Variants in TMCC3 observed in about 807,000 individuals in gnomAD.
TMCC3 encodes the protein transmembrane and coiled-coil domain protein 3.
In TMCC3, 28 loss-of-function variants were observed where a neutral mutation model predicts 40.2. The ratio of observed to expected loss-of-function variants is 0.70; its 90% CI spans 0.52 to 0.95. The LOEUF (loss-of-function observed/expected upper bound fraction) is 0.95. Ranked by LOEUF, TMCC3 falls within the 40% of genes least tolerant of loss-of-function variation. TMCC3 has a pLI of 0.00. For missense variants in TMCC3, 554 were observed against 615.2 expected, an observed-to-expected ratio of 0.90 and a Z score of 1.05; for synonymous variants, 255 against 248.5, an observed-to-expected ratio of 1.03 and a Z score of -0.25.
At position 94,650,297 on chromosome 12, in the gene TMCC3, C is replaced by T. The variant is rs927817576; in HGVS notation, c.78+56G>A. On this transcript the variant is annotated intron_variant, in intron 1 of 3. Transcript: ENST00000261226. ...GGTTAGCACTGAGCCGCCGCCCCAG[C>T]CCGCCTCGCCCCCGGGCCCGCGCGC... The T allele has an allele frequency of 5.3e-6, 6 of 1,130,024 alleles. No individual in the cohort carries two copies. The African/African-American group carries it at 8.2e-5, about 15-fold the overall frequency. 70.0% of individuals were successfully genotyped at this position (1,130,024 alleles called of 1,614,324 possible).
intron 1 of TMCC3, among the ~76,000 whole-genome samples, chr12:94,591,688 A>G (rs957039002): frequency 6.6e-6 from 1 of 152,168 alleles, no homozygotes; most frequent in African/African-American, 2.4e-5. Context: ...TGGGAGGTGG[A>G]GGTTGCAGTG....
chr12:94,620,523 G>A (rs61936686), intron 1 of TMCC3, among the ~76,000 whole-genome samples: 30,967 of 151,628 alleles, frequency 0.2, 3,571 homozygotes, highest in Non-Finnish European at 0.25. Flanking sequence ...CCTGACCTCA[G>A]GTGATCCATC....
intron 1 of TMCC3, among the ~76,000 whole-genome samples, chr12:94,599,892 G>C (rs1399422535): frequency 6.6e-6 from 1 of 152,074 alleles, no homozygotes; most frequent in Non-Finnish European, 1.5e-5. Context: ...CCTACTTTTT[G>C]AGAGTATTAT....
chr12:94,646,737 CT>C (rs56738383), intron 1 of TMCC3, among the ~76,000 whole-genome samples: 1 of 131,788 alleles, frequency 7.6e-6, no homozygotes. Context: ...CCGTGCCTGG[CT>C]TTTTTTTTTT....
rs770550543 is a variant in TMCC3, at chr12:94,571,412, C to G, written c.*23G>C. The G allele has an allele frequency of 6.2e-7, 1 of 1,600,774 alleles. No homozygotes were observed. The highest frequency in any genetic ancestry group is 1.1e-5 in the South Asian group (1 of 89,928). Reference sequence around the variant, plus strand: ...TCTTTAAAATAAAAACTTGAAAGAACTTGAAGGCAGGAACCAGTGGCTTCA... The same window carrying G: ...TCTTTAAAATAAAAACTTGAAAGAAGTTGAAGGCAGGAACCAGTGGCTTCA... On this transcript the variant is annotated 3_prime_UTR_variant, in exon 4 of 4. Coordinates refer to ENST00000261226, the MANE Select transcript of TMCC3 (RefSeq NM_020698.4).
rs929489119 is a variant in TMCC3, at chr12:94,578,611, G to A, written c.996-82C>T. The A allele has an allele frequency of 2.7e-5, 39 of 1,469,742 alleles. No homozygotes were observed. In the Admixed American group the frequency reaches 6.1e-4, roughly 23 times the overall value. The allele number at this position is 1,469,742 out of a possible 1,614,324, so 91.0% of individuals were successfully genotyped here. On this transcript the variant is annotated intron_variant, in intron 2 of 3. Coordinates refer to ENST00000261226, the MANE Select transcript of TMCC3 (RefSeq NM_020698.4). Reference sequence around the variant, plus strand: ...ATGTCCTTTTTATCTTCCTGCGCCAGTACCTTTTGGCTTGCTCTCATTCCC... The same window carrying A: ...ATGTCCTTTTTATCTTCCTGCGCCAATACCTTTTGGCTTGCTCTCATTCCC...
rs1477418335 is a variant in TMCC3 at position 94,640,650 on chromosome 12, T to C, written c.78+9703A>G. Among the ~76,000 whole-genome samples, 6 of 152,224 alleles carry C rather than the reference T, an allele frequency of 3.9e-5. No homozygotes were observed. In the South Asian group the frequency reaches 1.0e-3, roughly 26 times the overall value. ...GTGGTATGAGGCTGTGTGTCGTAGA[T>C]GTGGGAATGACTGAACTTTGGGAAA... is the stretch of plus-strand genomic sequence containing the variant. On this transcript the variant is annotated intron_variant, in intron 1 of 3. Transcript: ENST00000261226.
intron 1 of TMCC3, among the ~76,000 whole-genome samples, chr12:94,601,059 T>C (rs2068749407): frequency 6.6e-6 from 1 of 152,190 alleles, no homozygotes. Context: ...ACACACCTAA[T>C]TAAAACAAAA....
At chr12:94,601,476 C>A (rs2068751792) in intron 1 of TMCC3, among the ~76,000 whole-genome samples, 1 of 152,040 alleles carries the variant, frequency 6.6e-6, no homozygotes, top group African/African-American at 2.4e-5. Context: ...CGAGATCATG[C>A]CATTACACTC....
intron 1 of TMCC3, among the ~76,000 whole-genome samples, chr12:94,611,199 C>A (rs181524347): frequency 6.6e-6 from 1 of 152,094 alleles, no homozygotes; most frequent in Non-Finnish European, 1.5e-5. Context: ...TAACTCCCTA[C>A]TGAAAAGAGA....
At position 94,615,943 on chromosome 12, in the gene TMCC3, C is replaced by T. The variant is rs1447725998; in HGVS notation, c.79-33405G>A. On this transcript the variant is annotated intron_variant, in intron 1 of 3. Coordinates refer to ENST00000261226, the MANE Select transcript of TMCC3 (RefSeq NM_020698.4). Reference sequence around the variant, plus strand: ...CTTACCAAGGGCCACACAGCAAACCCAGGAGCAGAGCAGGATCGGCAGCTA... The same window carrying T: ...CTTACCAAGGGCCACACAGCAAACCTAGGAGCAGAGCAGGATCGGCAGCTA... 8.1e-6 allele frequency: 8 copies of T among 985,484 alleles called. No individual in the cohort carries two copies. In the Admixed American group the frequency reaches 4.3e-4, roughly 53 times the overall value. 61.0% of individuals were successfully genotyped at this position (985,484 alleles called of 1,614,324 possible).
intron 1 of TMCC3, among the ~76,000 whole-genome samples, chr12:94,593,423 G>A (rs1460527303): frequency 0.031 from 702 of 22,578 alleles, 148 homozygotes; most frequent in East Asian, 0.16. Flanking sequence ...AGAAGAAGAA[G>A]GAAGAAGAAG....
chr12:94,593,426 A>AGAG, intron 1 of TMCC3, among the ~76,000 whole-genome samples: 1 of 113,086 alleles, frequency 8.8e-6, no homozygotes, highest in Non-Finnish European at 1.9e-5. Flanking sequence ...AGAAGAAGGA[A>AGAG]GAAGAAGGAG....
rs529386985 is a variant in TMCC3 at position 94,629,842 on chromosome 12, T to C, written c.78+20511A>G. Among the ~76,000 whole-genome samples, 6 of 152,380 alleles carry C rather than the reference T, an allele frequency of 3.9e-5. 1 individual carries two copies. The East Asian group carries it at 7.7e-4, about 20-fold the overall frequency. On this transcript the variant is annotated intron_variant, in intron 1 of 3. Coordinates refer to ENST00000261226, the MANE Select transcript of TMCC3 (RefSeq NM_020698.4). Reference sequence around the variant, plus strand: ...TCAGGACAAAGGCTGATCATTCAAATTTCGAATAAGGTTCAAATGGAGACC... The same window carrying C: ...TCAGGACAAAGGCTGATCATTCAAACTTCGAATAAGGTTCAAATGGAGACC...
chr12:94,610,549 C>G (rs1197678994), intron 1 of TMCC3, among the ~76,000 whole-genome samples: 7 of 152,046 alleles, frequency 4.6e-5, no homozygotes, highest in Non-Finnish European at 1.0e-4. Flanking sequence ...AAATGATAGT[C>G]TGCCACCCCT....
chr12:94,643,736 T>C (rs1309178882), intron 1 of TMCC3, among the ~76,000 whole-genome samples: 1 of 152,214 alleles, frequency 6.6e-6, no homozygotes, highest in Admixed American at 6.5e-5. Context: ...GCAGATGCTG[T>C]ACACATCCTT....
chr12:94,592,288 G>A (rs181768582), intron 1 of TMCC3, among the ~76,000 whole-genome samples: 2 of 152,022 alleles, frequency 1.3e-5, no homozygotes, highest in South Asian at 2.1e-4. Flanking sequence ...TTTATTCCTC[G>A]CATCCCCCCT....
At chr12:94,601,351 C>T (rs2138850022) in intron 1 of TMCC3, among the ~76,000 whole-genome samples, 1 of 152,006 alleles carries the variant, frequency 6.6e-6, no homozygotes, top group African/African-American at 2.4e-5. Flanking sequence ...CCCATCTCTA[C>T]CAAAAATACA....
chr12:94,601,808 CAAAAAAAAAAAAAAA>C (rs61372290), intron 1 of TMCC3, among the ~76,000 whole-genome samples: 3 of 76,724 alleles, frequency 3.9e-5, no homozygotes, highest in Non-Finnish European at 6.4e-5. Context: ...GACCTGGTCT[CAAAAAAAAAAAAAAA>C]AAAAAAAAAA....
Sources: allele counts gnomAD v4.1 joint callset (sites outside exome capture counted in the v4.1 genomes callset), GRCh38; gene constraint gnomAD v4.1.1; transcripts MANE v1.5; gene names NCBI Gene and HGNC (gene_info 2026-07-23, HGNC 2026-07-21).